NBAS: variants seen among roughly 807,000 people sequenced by gnomAD.
NBAS encodes the protein NBAS subunit of NRZ tethering complex.
Under a neutral mutation model 302.5 loss-of-function variants are expected in NBAS, and 219 were observed. The observed-to-expected ratio is 0.72, with a 90% CI of 0.65 to 0.81. The LOEUF (loss-of-function observed/expected upper bound fraction) is 0.81. NBAS is among the 30% of genes least tolerant of loss of function. The pLI is 0.00. For missense variants in NBAS, 2,932 were observed against 2,841.6 expected, an observed-to-expected ratio of 1.03 and a Z score of -0.72; for synonymous variants, 1,118 against 1,021.6, an observed-to-expected ratio of 1.09 and a Z score of -1.80.
intron 44 of NBAS, among the ~76,000 whole-genome samples, chr2:15,273,050 C>T (rs908821114): frequency 1.3e-5 from 2 of 152,156 alleles, no homozygotes; most frequent in Non-Finnish European, 2.9e-5. Context: ...CCCCTCTACA[C>T]ACACGCTCAC....
chr2:15,558,474 A>T (rs1481137111), intron 2 of NBAS, 106 bp downstream of exon 2: 2 of 752,296 alleles, frequency 2.7e-6, no homozygotes, highest in Non-Finnish European at 4.5e-6. Flanking sequence ...ATATAATTAA[A>T]CTCAGATAAC....
intron 40 of NBAS, among the ~76,000 whole-genome samples, chr2:15,298,975 T>C (rs1298073561): frequency 1.3e-5 from 2 of 152,062 alleles, no homozygotes; most frequent in African/African-American, 4.8e-5. Flanking sequence ...TCTCCATGAG[T>C]TGCTCTACAT....
chr2:14,832,736 T>C, the NBAS span, among the ~76,000 whole-genome samples: 1 of 152,158 alleles, frequency 6.6e-6, no homozygotes, highest in Non-Finnish European at 1.5e-5. Flanking sequence ...ATGCATATTA[T>C]TGCATGGATT....
At chr2:15,175,319 G>A (rs1664484534) in intron 51 of NBAS, among the ~76,000 whole-genome samples, 2 of 152,020 alleles carry the variant, frequency 1.3e-5, no homozygotes, top group Non-Finnish European at 2.9e-5. Flanking sequence ...CACAGTCCAG[G>A]ACAACCCCTG....
the NBAS span, among the ~76,000 whole-genome samples, chr2:14,797,164 TG>T: frequency 0.39 from 59,237 of 150,164 alleles, 12,158 homozygotes; most frequent in African/African-American, 0.5. Context: ...GCCTTTGGGT[TG>T]GGGGGTGACC....
chr2:14,930,170 G>A, the NBAS span, among the ~76,000 whole-genome samples: 1 of 152,130 alleles, frequency 6.6e-6, no homozygotes, highest in Non-Finnish European at 1.5e-5. Context: ...GTGTGAGAAT[G>A]GACTAATATA....
chr2:14,903,353 G>A, the NBAS span, among the ~76,000 whole-genome samples: 1 of 149,544 alleles, frequency 6.7e-6, no homozygotes, highest in Non-Finnish European at 1.5e-5. Context: ...AAAGAAACAT[G>A]TTGAAAATAA....
chr2:15,351,480 G>A (rs1055338088), intron 35 of NBAS, among the ~76,000 whole-genome samples: 7 of 151,878 alleles, frequency 4.6e-5, no homozygotes, highest in Non-Finnish European at 7.4e-5. Flanking sequence ...AGTTCGAGAC[G>A]AGCCTGGCCA....
intron 49 of NBAS, among the ~76,000 whole-genome samples, chr2:15,189,607 GA>G (rs1665249846): frequency 6.6e-6 from 1 of 152,130 alleles, no homozygotes; most frequent in Non-Finnish European, 1.5e-5. Context: ...TCTTCCAAAG[GA>G]AAGGGGTATG....
chr2:14,947,473 T>A, the NBAS span, among the ~76,000 whole-genome samples: 3 of 152,052 alleles, frequency 2.0e-5, no homozygotes, highest in Admixed American at 2.0e-4. Flanking sequence ...CATGAAGAAA[T>A]TTTTTAAAAA....
At chr2:15,196,206 A>G (rs930621628) in intron 48 of NBAS, among the ~76,000 whole-genome samples, 4 of 152,184 alleles carry the variant, frequency 2.6e-5, no homozygotes, top group African/African-American at 9.7e-5. Context: ...AGTTGCTACA[A>G]AGCCATATGG....
chr2:15,404,950 T>A (rs1676339166), intron 25 of NBAS, among the ~76,000 whole-genome samples: 1 of 152,176 alleles, frequency 6.6e-6, no homozygotes, highest in African/African-American at 2.4e-5. Flanking sequence ...CTTAAACACC[T>A]CTATGGCCTG....
At chr2:14,839,780 A>G in the NBAS span, among the ~76,000 whole-genome samples, 2 of 152,044 alleles carry the variant, frequency 1.3e-5, no homozygotes, top group African/African-American at 4.8e-5. Flanking sequence ...AATTACAAAG[A>G]GTCTCTAAGC....
chr2:14,993,916 T>C, the NBAS span, among the ~76,000 whole-genome samples: 4 of 151,682 alleles, frequency 2.6e-5, no homozygotes, highest in Non-Finnish European at 4.4e-5. Flanking sequence ...AGGGCGGGAG[T>C]ACAAAAATGA....
At chr2:15,343,982 A>T (rs1047422019) in intron 35 of NBAS, among the ~76,000 whole-genome samples, 3 of 149,610 alleles carry the variant, frequency 2.0e-5, no homozygotes, top group Non-Finnish European at 4.4e-5. Flanking sequence ...AAAAAAAAAC[A>T]CTTGACTGCA....
At chr2:15,044,455 T>C in the NBAS span, among the ~76,000 whole-genome samples, 2 of 152,152 alleles carry the variant, frequency 1.3e-5, no homozygotes, top group South Asian at 2.1e-4. Context: ...TTTCATAAGA[T>C]AGAAAAATAA....
the NBAS span, among the ~76,000 whole-genome samples, chr2:15,156,103 T>C: frequency 6.6e-6 from 1 of 152,224 alleles, no homozygotes; most frequent in Non-Finnish European, 1.5e-5. Flanking sequence ...TGTTGCCTTC[T>C]GAGTTTTTTT....
At chr2:14,815,448 AGCCAAAGAGT>A in the NBAS span, among the ~76,000 whole-genome samples, 2 of 152,204 alleles carry the variant, frequency 1.3e-5, no homozygotes, top group South Asian at 4.1e-4. Flanking sequence ...CTTTGTTGTC[AGCCAAAGAGT>A]GCCCATTGGG....
At chr2:15,059,311 C>T in the NBAS span, among the ~76,000 whole-genome samples, 6 of 152,230 alleles carry the variant, frequency 3.9e-5, no homozygotes, top group Non-Finnish European at 8.8e-5. Context: ...AACTGCTGTA[C>T]AGTAAATGTT....
Sources: gnomAD v4.1 joint callset for allele counts (sites outside exome capture counted in the v4.1 genomes callset) on GRCh38, gnomAD v4.1.1 for gene constraint, MANE v1.5 for transcripts, NCBI Gene and HGNC (gene_info 2026-07-23, HGNC 2026-07-21) for gene names.